Variants in RTN4IP1 observed in about 807,000 individuals in gnomAD.
RTN4IP1 encodes NAD(P)H oxidoreductase RTN4IP1, mitochondrial.
A neutral mutation model predicts 46.6 loss-of-function variants in RTN4IP1; 32 were observed. That is an observed-to-expected ratio of 0.69 (90% CI 0.52 to 0.92). The LOEUF is 0.92. Among genes scored for constraint, RTN4IP1 ranks in the 40% least tolerant of loss-of-function variants. The pLI is 0.00. For synonymous variants in RTN4IP1, 167 were observed against 161.8 expected (o/e 1.03, Z -0.24); for missense variants, 424 against 485.8 (o/e 0.87, Z 1.20).
chr6:106,600,429 C>T (rs1192595948), intron 5 of RTN4IP1, among the ~76,000 whole-genome samples: 2 of 152,088 alleles, frequency 1.3e-5, no homozygotes, highest in Non-Finnish European at 2.9e-5. Flanking sequence ...TCATATATAT[C>T]ACCATTTTCA....
chr6:106,623,473 A>G lies in RTN4IP1; in HGVS notation c.275-504T>C, dbSNP rs192767353. Among the ~76,000 whole-genome samples the G allele has an allele frequency of 2.0e-5, 3 of 152,332 alleles. No individual in the cohort carries two copies. The East Asian group carries it at 5.8e-4, about 29-fold the overall frequency. On this transcript the variant is annotated intron_variant, in intron 1 of 8. Transcript: ENST00000369063. ...ACTTGGGAGATGAAATACTCTGTAG[A>G]ACAAACCCCCATGACACAAGCTCAC...
intron 7 of RTN4IP1, 81 bp from the exon 8 acceptor site, chr6:106,583,501 C>G: frequency 9.1e-7 from 1 of 1,096,528 alleles, no homozygotes; most frequent in Non-Finnish European, 1.4e-6. Flanking sequence ...AAAGCATTTT[C>G]TGGATGACTA....
At chr6:106,612,521 A>T (rs1362373088) in intron 4 of RTN4IP1, among the ~76,000 whole-genome samples, 4 of 151,982 alleles carry the variant, frequency 2.6e-5, no homozygotes, top group African/African-American at 9.7e-5. Context: ...AGGCCCAGAG[A>T]GGAACCCTAG....
At chr6:106,611,929 C>G (rs983767668) in intron 4 of RTN4IP1, among the ~76,000 whole-genome samples, 1 of 152,134 alleles carries the variant, frequency 6.6e-6, no homozygotes, top group African/African-American at 2.4e-5. Context: ...CCATAATCGA[C>G]GAAGAACTTT....
rs759953237 is a variant in RTN4IP1, at chr6:106,627,743, C to CTTTTT, written c.274+1000_274+1004dup. The stretch of plus-strand genomic sequence containing the variant: ...CAATCACAGTAAAGTCATTTCAATG[C>CTTTTT]TTTTTTTTTTTTTTTTTTTTTTTTT... On this transcript the variant is annotated intron_variant, in intron 1 of 8. Coordinates refer to ENST00000369063, the MANE Select transcript of RTN4IP1 (RefSeq NM_032730.5). 2.5e-4 allele frequency among the ~76,000 whole-genome samples: 13 copies of CTTTTT among 52,990 alleles called. 1 individual carries two copies. The highest frequency in any genetic ancestry group is 4.4e-4 in the African/African-American group (7 of 15,828). 34.8% of individuals were successfully genotyped at this position (52,990 alleles called of 152,430 possible).
At chr6:106,580,151 T>C (rs1424323754) in intron 8 of RTN4IP1, among the ~76,000 whole-genome samples, 2 of 149,702 alleles carry the variant, frequency 1.3e-5, no homozygotes, top group African/African-American at 2.5e-5. Context: ...GAGGCGGAGC[T>C]TGCAGTGAGC....
chr6:106,620,398 C>A (rs1320934747), intron 3 of RTN4IP1, among the ~76,000 whole-genome samples: 1 of 152,146 alleles, frequency 6.6e-6, no homozygotes, highest in Non-Finnish European at 1.5e-5. Context: ...CCACTGCACC[C>A]AGCCTTAGTT....
intron 8 of RTN4IP1, among the ~76,000 whole-genome samples, chr6:106,575,414 C>G (rs1289582198): frequency 6.6e-6 from 1 of 152,256 alleles, no homozygotes; most frequent in Admixed American, 6.5e-5. Flanking sequence ...TGCCTGACAT[C>G]ACTTCTGTGA....
chr6:106,612,286 C>T (rs369670683), intron 4 of RTN4IP1, among the ~76,000 whole-genome samples: 1 of 147,070 alleles, frequency 6.8e-6, no homozygotes, highest in East Asian at 2.0e-4. Context: ...ACTCGGGAGG[C>T]TGATGCAGGA....
At chr6:106,573,821 G>T (rs1172607301) in intron 8 of RTN4IP1, among the ~76,000 whole-genome samples, 2 of 152,148 alleles carry the variant, frequency 1.3e-5, no homozygotes, top group Non-Finnish European at 2.9e-5. Flanking sequence ...GGTAGCCAAG[G>T]ACTGTAAGGA....
chr6:106,572,464 C>T (rs56257618), intron 8 of RTN4IP1: 25,725 of 193,800 alleles, frequency 0.13, 2,008 homozygotes, highest in African/African-American at 0.21. Context: ...GCTCTACCTG[C>T]CATTTTCTCC....
chr6:106,593,476 AG>A (rs1461534636), intron 5 of RTN4IP1, among the ~76,000 whole-genome samples: 1 of 152,176 alleles, frequency 6.6e-6, no homozygotes, highest in Non-Finnish European at 1.5e-5. Flanking sequence ...ATTTTTGTGC[AG>A]ATAATTATAG....
At chr6:106,617,297 G>A (rs2114674602) in intron 4 of RTN4IP1, among the ~76,000 whole-genome samples, 1 of 152,358 alleles carries the variant, frequency 6.6e-6, no homozygotes, top group Non-Finnish European at 1.5e-5. Flanking sequence ...ATCACAACAT[G>A]TGAATGCAGC....
chr6:106,625,434 AAAAC>A (rs774046894), intron 1 of RTN4IP1, among the ~76,000 whole-genome samples: 8 of 152,138 alleles, frequency 5.3e-5, no homozygotes, highest in Non-Finnish European at 7.3e-5. Flanking sequence ...AAGAGGCTTT[AAAAC>A]AAACAAACAA....
intron 5 of RTN4IP1, among the ~76,000 whole-genome samples, chr6:106,594,616 T>C (rs1180431232): frequency 6.6e-6 from 1 of 152,122 alleles, no homozygotes; most frequent in East Asian, 1.9e-4. Flanking sequence ...AATTCTCCCA[T>C]GTGCCCCAAA....
chr6:106,591,805 T>C (rs1775670448), intron 6 of RTN4IP1, among the ~76,000 whole-genome samples: 1 of 152,210 alleles, frequency 6.6e-6, no homozygotes, highest in African/African-American at 2.4e-5. Flanking sequence ...TGTTTTGGGC[T>C]AATCATGTAT....
At position 106,619,214 on chromosome 6, in the gene RTN4IP1, C is replaced by A. The variant is rs1449712412; in HGVS notation, c.608G>T (p.Cys203Phe). 6.2e-7 allele frequency: 1 copy of A among 1,614,006 alleles called. No homozygotes were observed. Residue 203 changes from cysteine to phenylalanine, a missense_variant, in exon 4 of 9, where the codon TGC (cysteine) becomes TTC (phenylalanine). By Grantham distance (205) the Cys-to-Phe change is radical. Coordinates refer to ENST00000369063, the MANE Select transcript of RTN4IP1 (RefSeq NM_032730.5). ...NKVGGLNDKN[C>F]TGKRVLILGA... is the part of the protein sequence containing the mutation. Reference sequence around the variant, plus strand: ...CTGATACACTTACCGTTTTCCTGTGCAATTCTTGTCATTCAGGCCACCAAC... The same window carrying A: ...CTGATACACTTACCGTTTTCCTGTGAAATTCTTGTCATTCAGGCCACCAAC...
Position 106,571,741 on chromosome 6 carries a change from C to A in RTN4IP1, c.*255G>T. On this transcript the variant is annotated 3_prime_UTR_variant, in exon 9 of 9. Coordinates refer to ENST00000369063, the MANE Select transcript of RTN4IP1 (RefSeq NM_032730.5). Reference sequence around the variant, plus strand: ...TTTAAGCTAGTAAAACAGAAGGTGCCACAACAACCTGCAAAGCCAGTGTGA... The same window carrying A: ...TTTAAGCTAGTAAAACAGAAGGTGCAACAACAACCTGCAAAGCCAGTGTGA... 2 of 404,760 alleles carry A rather than the reference C, an allele frequency of 4.9e-6. No homozygotes were observed. Among genetic ancestry groups the A allele is most frequent in the Non-Finnish European group, 9.0e-6 (2 of 223,130 alleles). The allele number at this position is 404,760 out of a possible 1,614,324, so 25.1% of individuals were successfully genotyped here. A position where few individuals can be genotyped will look rare whatever the true frequency, so the allele number is the denominator to read the frequency against.
At chr6:106,597,287 T>C (rs186454492) in intron 5 of RTN4IP1, among the ~76,000 whole-genome samples, 296 of 152,334 alleles carry the variant, frequency 1.9e-3, no homozygotes, top group African/African-American at 4.8e-3. Context: ...ACTCCTAGTA[T>C]CCATATATCA....
Sources: gnomAD v4.1 joint callset for allele counts (sites outside exome capture counted in the v4.1 genomes callset) on GRCh38, gnomAD v4.1.1 for gene constraint, MANE v1.5 for transcripts, NCBI Gene and HGNC (gene_info 2026-07-23, HGNC 2026-07-21) for gene names.